FOXJ3: variants seen among roughly 807,000 people sequenced by gnomAD.
FOXJ3 encodes forkhead box J3.
In FOXJ3, 22 loss-of-function variants were observed where a neutral mutation model predicts 76.1. The ratio of observed to expected loss-of-function variants is 0.29; its 90% CI spans 0.21 to 0.41. The LOEUF (loss-of-function observed/expected upper bound fraction) is 0.41. Among genes scored for constraint, FOXJ3 ranks in the 10% least tolerant of loss-of-function variants. The pLI is 1.00. For synonymous variants in FOXJ3, 269 were observed against 261.2 expected (o/e 1.03, Z -0.29); for missense variants, 613 against 762.1 (o/e 0.80, Z 2.30).
intron 2 of FOXJ3, among the ~76,000 whole-genome samples, chr1:42,298,423 T>G (rs1239382733): frequency 1.3e-5 from 2 of 152,238 alleles, no homozygotes; most frequent in African/African-American, 4.8e-5. Context: ...CAGGAATTTG[T>G]GCATTTCCCC....
chr1:42,184,863 A>G (rs1646403064), intron 11 of FOXJ3, among the ~76,000 whole-genome samples: 1 of 152,130 alleles, frequency 6.6e-6, no homozygotes, highest in African/African-American at 2.4e-5. Context: ...AAGAGGAAAT[A>G]GCAAGTACAA....
intron 2 of FOXJ3, among the ~76,000 whole-genome samples, chr1:42,280,067 C>T (rs918717859): frequency 6.6e-6 from 1 of 152,026 alleles, no homozygotes; most frequent in African/African-American, 2.4e-5. Context: ...ATTACCTCTA[C>T]CTCCCAGTTT....
At chr1:42,183,209 T>C (rs1157767642) in intron 11 of FOXJ3, among the ~76,000 whole-genome samples, 1 of 146,032 alleles carries the variant, frequency 6.8e-6, no homozygotes. Context: ...TGAACCGAGA[T>C]TGTGCTACTA....
chr1:42,296,763 T>C (rs1653815812), intron 2 of FOXJ3, among the ~76,000 whole-genome samples: 1 of 152,250 alleles, frequency 6.6e-6, no homozygotes, highest in Non-Finnish European at 1.5e-5. Flanking sequence ...TTTGTTCCTT[T>C]TGCTTAGGAT....
chr1:42,250,917 C>CAA (rs138282544), intron 4 of FOXJ3, among the ~76,000 whole-genome samples: 13 of 149,182 alleles, frequency 8.7e-5, no homozygotes, highest in Admixed American at 5.9e-4. Flanking sequence ...ACCTGAAGAA[C>CAA]AAAAAGATGA....
chr1:42,201,204 C>G (rs2124287796), intron 6 of FOXJ3, among the ~76,000 whole-genome samples: 1 of 152,306 alleles, frequency 6.6e-6, no homozygotes, highest in South Asian at 2.1e-4. Flanking sequence ...AACTTTATTT[C>G]TGTCCTTCCA....
intron 1 of FOXJ3, among the ~76,000 whole-genome samples, chr1:42,320,879 C>T (rs1655392359): frequency 6.6e-6 from 1 of 152,142 alleles, no homozygotes; most frequent in African/African-American, 2.4e-5. Flanking sequence ...CGCCACTTCC[C>T]TGGATCCTGT....
At chr1:42,324,886 T>G (rs1655737563) in intron 1 of FOXJ3, among the ~76,000 whole-genome samples, 1 of 152,288 alleles carries the variant, frequency 6.6e-6, no homozygotes, top group African/African-American at 2.4e-5. Flanking sequence ...TACTGTAGAC[T>G]TTATAAACAC....
intron 9 of FOXJ3, 25 bp downstream of exon 9, chr1:42,191,278 C>T (rs186898932): frequency 1.3e-6 from 2 of 1,519,738 alleles, no homozygotes. Flanking sequence ...GTTAGCCAAA[C>T]ACAAACCAGG....
intron 4 of FOXJ3, among the ~76,000 whole-genome samples, chr1:42,264,071 G>C (rs903937723): frequency 1.4e-5 from 2 of 145,332 alleles, no homozygotes; most frequent in Non-Finnish European, 3.0e-5. Context: ...AAAATAAAAA[G>C]AACTCAAAAG....
intron 8 of FOXJ3, among the ~76,000 whole-genome samples, chr1:42,192,893 C>A: frequency 6.6e-6 from 1 of 151,830 alleles, no homozygotes; most frequent in South Asian, 2.1e-4. Context: ...TAAAAGCTAC[C>A]AAGTTTTACA....
rs1646331755 is a variant in FOXJ3 at position 42,181,912 on chromosome 1, C to T, written c.1753+5G>A. 1.3e-6 allele frequency: 2 copies of T among 1,569,770 alleles called. No homozygotes were observed. The highest frequency in any genetic ancestry group is 2.7e-5 in the African/African-American group (2 of 73,960). On this transcript the variant is annotated splice_donor_5th_base_variant and intron_variant, in intron 12 of 12. Transcript: ENST00000361346. The stretch of plus-strand genomic sequence containing the variant: ...ACACACACTCACTCTCTCTCTCTCT[C>T]TTACCTGCCATCGTTGTTCCTGGAG...
chr1:42,310,963 C>T lies in FOXJ3; in HGVS notation c.44+87G>A, dbSNP rs919836841. ...CTACAATATTTTATTCTGAATCTCA[C>T]CTTCAAATTCATTGTAATATGAGGT... On this transcript the variant is annotated intron_variant, in intron 2 of 12. Transcript: ENST00000361346. 5.1e-5 allele frequency: 39 copies of T among 763,504 alleles called. 1 individual carries two copies. In the Middle Eastern group the frequency reaches 9.3e-4, roughly 18 times the overall value. The allele number at this position is 763,504 out of a possible 1,614,324, so 47.3% of individuals were successfully genotyped here. A position where few individuals can be genotyped will look rare whatever the true frequency, so the allele number is the denominator to read the frequency against.
At chr1:42,258,585 T>C (rs538585959) in intron 4 of FOXJ3, among the ~76,000 whole-genome samples, 1 of 152,318 alleles carries the variant, frequency 6.6e-6, no homozygotes, top group Admixed American at 6.5e-5. Context: ...ATACCCTTTT[T>C]GAACAAATAC....
At chr1:42,310,702 G>A (rs995223919) in intron 2 of FOXJ3, among the ~76,000 whole-genome samples, 5 of 151,962 alleles carry the variant, frequency 3.3e-5, no homozygotes, top group African/African-American at 7.3e-5. Flanking sequence ...CACCCGCCTC[G>A]GCCTCCCAAA....
chr1:42,219,765 A>T (rs910438788), intron 5 of FOXJ3, among the ~76,000 whole-genome samples: 5 of 152,126 alleles, frequency 3.3e-5, no homozygotes, highest in African/African-American at 1.2e-4. Flanking sequence ...GTCTCTACAA[A>T]AATAAGAAAA....
intron 7 of FOXJ3, among the ~76,000 whole-genome samples, 178 bp downstream of exon 7, chr1:42,198,924 C>T (rs1466100543): frequency 6.6e-6 from 1 of 152,088 alleles, no homozygotes; most frequent in Non-Finnish European, 1.5e-5. Context: ...TAATATGGTA[C>T]CAAATTAAAA....
chr1:42,216,504 C>T (rs1647071523), intron 5 of FOXJ3, among the ~76,000 whole-genome samples: 2 of 149,432 alleles, frequency 1.3e-5, no homozygotes, highest in South Asian at 2.1e-4. Flanking sequence ...GGCGACAGAG[C>T]GAGACTCCGT....
intron 4 of FOXJ3, among the ~76,000 whole-genome samples, chr1:42,236,674 G>T (rs936485178): frequency 6.6e-6 from 1 of 152,028 alleles, no homozygotes; most frequent in Admixed American, 6.5e-5. Flanking sequence ...CCTTTCCTTA[G>T]CCTTCTCTCA....
Sources: allele counts gnomAD v4.1 joint callset (sites outside exome capture counted in the v4.1 genomes callset), GRCh38; gene constraint gnomAD v4.1.1; transcripts MANE v1.5; gene names NCBI Gene and HGNC (gene_info 2026-07-23, HGNC 2026-07-21).